Variants in KCNIP4 observed in about 807,000 individuals in gnomAD.
KCNIP4 encodes potassium voltage-gated channel interacting protein 4, also known as Kv channel-interacting protein 4.
A neutral mutation model predicts 34.0 loss-of-function variants in KCNIP4; 12 were observed. The ratio of observed to expected loss-of-function variants is 0.35; its 90% CI spans 0.23 to 0.57. KCNIP4 has a LOEUF of 0.57. Ranked by LOEUF, KCNIP4 falls within the 20% of genes least tolerant of loss-of-function variation. The pLI is 0.83. For synonymous variants in KCNIP4, 124 were observed against 102.2 expected, an observed-to-expected ratio of 1.21 and a Z score of -1.29; for missense variants, 238 against 311.7, an observed-to-expected ratio of 0.76 and a Z score of 1.78.
At chr4:21,390,149 G>A (rs1722433550) in intron 1 of KCNIP4, among the ~76,000 whole-genome samples, 1 of 152,042 alleles carries the variant, frequency 6.6e-6, no homozygotes, top group South Asian at 2.1e-4. Flanking sequence ...TGATGGGGTT[G>A]TTTGTTTTTT....
chr4:20,809,663 G>C (rs1156458864), intron 3 of KCNIP4, among the ~76,000 whole-genome samples: 1 of 152,032 alleles, frequency 6.6e-6, no homozygotes, highest in Non-Finnish European at 1.5e-5. Context: ...GAAGTCATAG[G>C]GTGCATTATC....
intron 3 of KCNIP4, among the ~76,000 whole-genome samples, chr4:20,773,922 A>T (rs541891759): frequency 6.6e-6 from 1 of 152,312 alleles, no homozygotes; most frequent in South Asian, 2.1e-4. Flanking sequence ...ACAAATAAGC[A>T]AGACAACGCC....
chr4:21,070,359 G>A (rs960010652), intron 1 of KCNIP4, among the ~76,000 whole-genome samples: 39 of 152,016 alleles, frequency 2.6e-4, no homozygotes, highest in African/African-American at 8.4e-4. Context: ...GAGTACAGTT[G>A]CTGGGTTGAA....
At chr4:20,813,821 C>G (rs1292873248) in intron 3 of KCNIP4, among the ~76,000 whole-genome samples, 5 of 152,170 alleles carry the variant, frequency 3.3e-5, no homozygotes, top group African/African-American at 1.2e-4. Flanking sequence ...GTGTATCTTA[C>G]CAAGATAAAT....
intron 1 of KCNIP4, among the ~76,000 whole-genome samples, chr4:21,221,763 A>G (rs1757998377): frequency 6.6e-6 from 1 of 152,216 alleles, no homozygotes; most frequent in Non-Finnish European, 1.5e-5. Flanking sequence ...TGAGAAGAGA[A>G]GGTATGCATT....
In KCNIP4 at chr4:21,590,295, ATTGT is replaced by A. The variant is rs1742093347; in HGVS notation, c.61+358272_61+358275del. 2.0e-5 allele frequency among the ~76,000 whole-genome samples: 3 copies of A among 151,980 alleles called. No homozygotes were observed. The South Asian group carries it at 6.2e-4, about 31-fold the overall frequency. On this transcript the variant is annotated intron_variant, in intron 1 of 8. Transcript: ENST00000382152. ...GAAAAGAATAGCTATCAAGGAATCA[ATTGT>A]TTGTGAATAGGATGGCATAGACCTT...
chr4:20,793,241 A>G (rs1018724819), intron 3 of KCNIP4, among the ~76,000 whole-genome samples: 1 of 152,182 alleles, frequency 6.6e-6, no homozygotes, highest in African/African-American at 2.4e-5. Context: ...TCAGCAACAC[A>G]AAGAAATGAA....
chr4:21,142,642 A>G (rs552914931), intron 1 of KCNIP4, among the ~76,000 whole-genome samples: 8 of 152,196 alleles, frequency 5.3e-5, no homozygotes, highest in Admixed American at 2.6e-4. Flanking sequence ...CTATCTTCCT[A>G]TGTGTCTCCC....
At chr4:21,786,168 C>A (rs998269938) in intron 1 of KCNIP4, among the ~76,000 whole-genome samples, 1 of 152,170 alleles carries the variant, frequency 6.6e-6, no homozygotes, top group African/African-American at 2.4e-5. Context: ...AGGATGGTCT[C>A]GATCTGTTGA....
intron 1 of KCNIP4, among the ~76,000 whole-genome samples, chr4:21,259,095 G>A (rs1486215028): frequency 1.3e-5 from 2 of 152,148 alleles, no homozygotes; most frequent in African/African-American, 2.4e-5. Context: ...ACGTCATACT[G>A]ATAGTTCATA....
At chr4:21,695,698 TAGAC>T (rs1712235524) in intron 1 of KCNIP4, among the ~76,000 whole-genome samples, 1 of 152,072 alleles carries the variant, frequency 6.6e-6, no homozygotes, top group Admixed American at 6.6e-5. Context: ...CAGAATGAGC[TAGAC>T]AGGCAGAAAA....
chr4:21,381,281 G>T (rs1343893295), intron 1 of KCNIP4, among the ~76,000 whole-genome samples: 1 of 152,078 alleles, frequency 6.6e-6, no homozygotes, highest in Non-Finnish European at 1.5e-5. Context: ...ACCTTTTCAA[G>T]ATCTCTATAC....
At chr4:21,576,582 G>A (rs1235690584) in intron 1 of KCNIP4, among the ~76,000 whole-genome samples, 1 of 152,064 alleles carries the variant, frequency 6.6e-6, no homozygotes, top group Admixed American at 6.6e-5. Flanking sequence ...GTCCAAACTT[G>A]TTTATGAAAA....
At chr4:21,434,511 C>G (rs931670939) in intron 1 of KCNIP4, among the ~76,000 whole-genome samples, 1 of 152,006 alleles carries the variant, frequency 6.6e-6, no homozygotes, top group African/African-American at 2.4e-5. Flanking sequence ...CTCTCCCCAC[C>G]CAGGACCACT....
At chr4:21,389,398 A>G (rs1449724440) in intron 1 of KCNIP4, among the ~76,000 whole-genome samples, 2 of 151,064 alleles carry the variant, frequency 1.3e-5, no homozygotes, top group South Asian at 4.2e-4. Context: ...GGTGTGCTGC[A>G]CCCATTAACT....
Position 21,740,709 on chromosome 4 carries a change from C to T in KCNIP4, c.61+207862G>A, listed in dbSNP as rs549956857. 7.9e-5 allele frequency among the ~76,000 whole-genome samples: 12 copies of T among 152,228 alleles called. 2 individuals are homozygous for T. Among genetic ancestry groups the T allele is most frequent in the African/African-American group, 2.6e-4 (11 of 41,534 alleles). On this transcript the variant is annotated intron_variant, in intron 1 of 8. Transcript: ENST00000382152. The stretch of plus-strand genomic sequence containing the variant: ...GAAAGTGGCAATAATTTTAATTCCA[C>T]CATTTATCTTGAGAATTAAATAAAA...
intron 1 of KCNIP4, among the ~76,000 whole-genome samples, chr4:21,365,519 AAATAAAAAAT>A (rs1365660327): frequency 7.7e-5 from 5 of 64,732 alleles, no homozygotes; most frequent in Non-Finnish European, 1.2e-4. Context: ...ATAAATAAAT[AAATAAAAAAT>A]AAAGAAAGAA....
At chr4:21,265,823 TTA>T (rs1435878376) in intron 1 of KCNIP4, among the ~76,000 whole-genome samples, 1 of 152,194 alleles carries the variant, frequency 6.6e-6, no homozygotes, top group Non-Finnish European at 1.5e-5. Flanking sequence ...GCATCAATTT[TTA>T]TGTTACCTGA....
chr4:21,831,548 TAAG>T (rs974808428), intron 1 of KCNIP4, among the ~76,000 whole-genome samples: 3 of 146,696 alleles, frequency 2.0e-5, no homozygotes, highest in Admixed American at 7.1e-5. Context: ...ATTGAACAAC[TAAG>T]AAGAAACAAA....
Sources: gnomAD v4.1 joint callset for allele counts (sites outside exome capture counted in the v4.1 genomes callset) on GRCh38, gnomAD v4.1.1 for gene constraint, MANE v1.5 for transcripts, NCBI Gene and HGNC (gene_info 2026-07-23, HGNC 2026-07-21) for gene names.